The following AOPEP variants were observed in gnomAD, a reference collection of about 807,000 sequenced individuals.
The protein encoded by AOPEP is aminopeptidase O.
In AOPEP, 77 loss-of-function variants were observed where a neutral mutation model predicts 98.1. The ratio of observed to expected loss-of-function variants is 0.78; its 90% CI spans 0.65 to 0.95. The LOEUF (loss-of-function observed/expected upper bound fraction) is 0.95. AOPEP is among the 40% of genes least tolerant of loss of function. AOPEP has a pLI of 0.00. For missense variants in AOPEP, 1,024 were observed against 1,024.7 expected (o/e 1.00, Z 0.01); for synonymous variants, 346 against 365.3 (o/e 0.95, Z 0.60).
chr9:94,814,808 A>G (rs1851356222), intron 5 of AOPEP, among the ~76,000 whole-genome samples: 1 of 152,206 alleles, frequency 6.6e-6, no homozygotes, highest in African/African-American at 2.4e-5. Flanking sequence ...GCACTGTCGG[A>G]CGTAAGGGAA....
the AOPEP span, among the ~76,000 whole-genome samples, chr9:95,130,189 A>G: frequency 6.6e-6 from 1 of 152,152 alleles, no homozygotes; most frequent in African/African-American, 2.4e-5. Context: ...CTCACCAATG[A>G]TTATTACAAG....
the AOPEP span, among the ~76,000 whole-genome samples, chr9:95,143,256 C>T: frequency 6.6e-6 from 1 of 152,208 alleles, no homozygotes; most frequent in Admixed American, 6.5e-5. Flanking sequence ...ACGTCACCTT[C>T]CCAGCACCTG....
intron 5 of AOPEP, among the ~76,000 whole-genome samples, chr9:94,865,894 A>T (rs1180471331): frequency 6.6e-6 from 1 of 152,220 alleles, no homozygotes; most frequent in Admixed American, 6.5e-5. Context: ...AACCACCTTG[A>T]TAGCAGAAAG....
chr9:94,731,418 G>A (rs1325195052), intron 1 of AOPEP, among the ~76,000 whole-genome samples: 4 of 151,720 alleles, frequency 2.6e-5, no homozygotes, highest in African/African-American at 9.7e-5. Context: ...AGTAGAGATG[G>A]GGTTTCACTG....
At chr9:94,819,943 ATTC>A (rs1852639542) in intron 5 of AOPEP, among the ~76,000 whole-genome samples, 2 of 74,548 alleles carry the variant, frequency 2.7e-5, no homozygotes, top group African/African-American at 8.0e-5. Context: ...CTTTAGTGCA[ATTC>A]TTTTTTTTTT....
chr9:95,104,934 G>C, the AOPEP span, among the ~76,000 whole-genome samples: 420 of 152,314 alleles, frequency 2.8e-3, 4 homozygotes, highest in Non-Finnish European at 3.0e-3. Flanking sequence ...CCATAGGTGA[G>C]AGCATGCATT....
intron 16 of AOPEP, chr9:95,085,528 C>A: frequency 1.9e-6 from 1 of 518,358 alleles, no homozygotes; most frequent in Non-Finnish European, 4.0e-6. Flanking sequence ...AGTTCTGCAC[C>A]TGAAGAGAAG....
intron 7 of AOPEP, among the ~76,000 whole-genome samples, chr9:94,937,860 C>T (rs1008630561): frequency 6.6e-6 from 1 of 152,054 alleles, no homozygotes; most frequent in Non-Finnish European, 1.5e-5. Context: ...ACCATTTTTG[C>T]CCTACAAGAA....
At chr9:94,910,458 G>A (rs1469030712) in intron 5 of AOPEP, among the ~76,000 whole-genome samples, 2 of 152,188 alleles carry the variant, frequency 1.3e-5, no homozygotes, top group South Asian at 2.1e-4. Context: ...CATCAACCGC[G>A]GATCTTCTTG....
At position 94,786,481 on chromosome 9, in the gene AOPEP, G is replaced by C. The variant is rs62578966; in HGVS notation, c.965-6284G>C. Among the ~76,000 whole-genome samples the C allele has an allele frequency of 8.5e-3, 1,299 of 152,260 alleles. 10 individuals carry two copies. The highest frequency in any genetic ancestry group is 0.017 in the Middle Eastern group (5 of 294). The stretch of plus-strand genomic sequence containing the variant: ...GACAATCCTGAAATTATTTATCTTT[G>C]TTTTGGGAATGCATGCTCTGCTTTC... On this transcript the variant is annotated intron_variant, in intron 3 of 16. Coordinates refer to ENST00000375315, the MANE Select transcript of AOPEP (RefSeq NM_001193329.3).
intron 13 of AOPEP, among the ~76,000 whole-genome samples, chr9:95,031,383 A>C (rs528202354): frequency 2.0e-5 from 3 of 152,202 alleles, no homozygotes; most frequent in Admixed American, 2.0e-4. Flanking sequence ...CCAATCACGG[A>C]GCGTGTTCTT....
At chr9:95,142,533 G>T in the AOPEP span, 1 of 152,226 alleles carries the variant, frequency 6.6e-6, no homozygotes, top group Non-Finnish European at 1.5e-5. Context: ...GGGTGGAGTG[G>T]CTGTAGACGC....
chr9:94,776,549 G>A (rs969689118), intron 3 of AOPEP, among the ~76,000 whole-genome samples: 7 of 152,138 alleles, frequency 4.6e-5, no homozygotes. Context: ...CAGTCCACTC[G>A]CCTCGGCCTC....
intron 16 of AOPEP, among the ~76,000 whole-genome samples, chr9:95,084,734 G>A (rs1284772043): frequency 4.0e-5 from 6 of 151,084 alleles, no homozygotes; most frequent in African/African-American, 1.5e-4. Context: ...CAGCATCTTC[G>A]ATCCTGTCCC....
At chr9:95,045,934 C>T (rs972724252) in intron 13 of AOPEP, among the ~76,000 whole-genome samples, 13 of 152,164 alleles carry the variant, frequency 8.5e-5, no homozygotes, top group Non-Finnish European at 1.5e-4. Flanking sequence ...GGGAAGGCGC[C>T]GCCACCTCCA....
At chr9:95,063,792 C>T (rs972360551) in intron 14 of AOPEP, among the ~76,000 whole-genome samples, 3 of 152,018 alleles carry the variant, frequency 2.0e-5, no homozygotes, top group East Asian at 3.9e-4. Context: ...GTGTCTTCTC[C>T]GGGGTGCTGC....
Position 94,930,955 on chromosome 9 carries a change from A to G in AOPEP, c.1661+2424A>G, listed in dbSNP as rs1347786314. Among the ~76,000 whole-genome samples, 2 of 152,176 alleles carry G rather than the reference A, an allele frequency of 1.3e-5. No homozygotes were observed. Among genetic ancestry groups the G allele is most frequent in the South Asian group, 2.1e-4 (1 of 4,824 alleles). Reference sequence around the variant, plus strand: ...TACCTGCGAGCTGCCTCACTGTGCAAATCCCTTCACCTCTTAAAGGCTCAG... The same window carrying G: ...TACCTGCGAGCTGCCTCACTGTGCAGATCCCTTCACCTCTTAAAGGCTCAG... On this transcript the variant is annotated intron_variant, in intron 7 of 16. Transcript: ENST00000375315. The surrounding 1 kb of genome is among the most constrained non-coding windows in gnomAD (Gnocchi z 4.5).
intron 5 of AOPEP, among the ~76,000 whole-genome samples, chr9:94,913,997 AG>A (rs1296812040): frequency 2.0e-5 from 3 of 152,224 alleles, no homozygotes; most frequent in Non-Finnish European, 4.4e-5. Flanking sequence ...CTTTGCATGA[AG>A]GGTTTGCTAA....
intron 9 of AOPEP, among the ~76,000 whole-genome samples, chr9:94,966,975 T>C (rs1207348250): frequency 5.9e-5 from 9 of 152,244 alleles, no homozygotes; most frequent in Admixed American, 5.9e-4. Flanking sequence ...AAAACCTTTA[T>C]TGATGAAATT....
Sources: gnomAD v4.1 joint callset for allele counts (sites outside exome capture counted in the v4.1 genomes callset) on GRCh38, gnomAD v4.1.1 for gene constraint, Gnocchi (gnomAD v3.1) non-coding constraint, MANE v1.5 for transcripts, NCBI Gene and HGNC (gene_info 2026-07-23, HGNC 2026-07-21) for gene names.